USP8: variants seen among roughly 807,000 people sequenced by gnomAD.
USP8 encodes the protein ubiquitin carboxyl-terminal hydrolase 8.
In USP8, 27 loss-of-function variants were observed where a neutral mutation model predicts 130.0. The ratio of observed to expected loss-of-function variants is 0.21; its 90% CI spans 0.15 to 0.29. The LOEUF is 0.29. USP8 is among the 10% of genes least tolerant of loss of function. The probability of loss-of-function intolerance (pLI) is 1.00; values close to 1 mark genes in which losing one functional copy is unlikely to be tolerated. For missense variants in USP8, 1,029 were observed against 1,312.2 expected (o/e 0.78, Z 3.33); for synonymous variants, 392 against 444.1 (o/e 0.88, Z 1.48).
chr15:50,426,356 C>A (rs192400067), intron 1 of USP8, among the ~76,000 whole-genome samples: 2 of 152,208 alleles, frequency 1.3e-5, no homozygotes, highest in Non-Finnish European at 2.9e-5. Flanking sequence ...TTAAAAAATA[C>A]CTTGTTGTTG....
intron 3 of USP8, among the ~76,000 whole-genome samples, chr15:50,442,572 C>T (rs537853735): frequency 6.6e-6 from 1 of 150,476 alleles, no homozygotes; most frequent in African/African-American, 2.4e-5. Context: ...GGTGAAACCC[C>T]ATCTGTACTA....
chr15:50,485,486 T>G (rs1194732840), intron 12 of USP8, among the ~76,000 whole-genome samples: 2 of 147,344 alleles, frequency 1.4e-5, no homozygotes, highest in Non-Finnish European at 3.0e-5. Context: ...TTGTTTTTCC[T>G]TCAGAGCTTG....
At chr15:50,439,303 C>G in intron 2 of USP8, 126 bp downstream of exon 2, 1 of 598,600 alleles carries the variant, frequency 1.7e-6, no homozygotes, top group Non-Finnish European at 2.8e-6. Context: ...AAAGTAGGAC[C>G]TCCTTAGAGA....
At chr15:50,490,140 C>T (rs2141316739) in intron 13 of USP8, 123 bp from the exon 14 acceptor site, 3 of 1,128,804 alleles carry the variant, frequency 2.7e-6, no homozygotes, top group Non-Finnish European at 3.8e-6. Flanking sequence ...AGTTTATCGC[C>T]ATTTTATTCG....
At chr15:50,498,783 T>C in intron 19 of USP8, 55 bp downstream of exon 19, 2 of 1,562,498 alleles carry the variant, frequency 1.3e-6, no homozygotes, top group Non-Finnish European at 1.7e-6. Context: ...TTAAAAAAAG[T>C]TTTAAGTGGT....
chr15:50,445,545 CA>C (rs747368769), intron 3 of USP8, among the ~76,000 whole-genome samples: 26 of 10,004 alleles, frequency 2.6e-3, no homozygotes, highest in East Asian at 7.4e-3. Context: ...GAGTCTGTCT[CA>C]AAAAAAAAAA....
rs1175086477 is a variant in USP8, at chr15:50,424,463, G to A, written c.-117G>A. On this transcript the variant is annotated 5_prime_UTR_variant, in exon 1 of 20. Coordinates refer to ENST00000307179, the MANE Select transcript of USP8 (RefSeq NM_005154.5). ...CTAATTCTCCCTCGAGTTCTTGGGAGATGGGCATTTGGCGAGAAGGCTGGC... is the reference window on the plus strand; with the variant it reads ...CTAATTCTCCCTCGAGTTCTTGGGAAATGGGCATTTGGCGAGAAGGCTGGC... The A allele has an allele frequency of 1.5e-5, 6 of 398,626 alleles. No individual in the cohort carries two copies. Among genetic ancestry groups the A allele is most frequent in the Non-Finnish European group, 2.2e-5 (5 of 226,136 alleles). The allele number at this position is 398,626 out of a possible 1,614,324, so 24.7% of individuals were successfully genotyped here.
At chr15:50,462,983 C>G (rs988446804) in intron 6 of USP8, among the ~76,000 whole-genome samples, 2 of 152,078 alleles carry the variant, frequency 1.3e-5, no homozygotes, top group Non-Finnish European at 2.9e-5. Flanking sequence ...CGCAGTGGCT[C>G]ATTCCTGTAA....
chr15:50,463,738 C>G (rs2051091319), intron 6 of USP8, among the ~76,000 whole-genome samples: 1 of 152,144 alleles, frequency 6.6e-6, no homozygotes, highest in Non-Finnish European at 1.5e-5. Flanking sequence ...TTGTTAGCAG[C>G]TATAGGTCTT....
rs143811376 is a variant in USP8 at position 50,470,384 on chromosome 15, C to A, written c.687-1249C>A. 6.6e-5 allele frequency among the ~76,000 whole-genome samples: 10 copies of A among 152,160 alleles called. No homozygotes were observed. The East Asian group carries it at 1.9e-3, about 29-fold the overall frequency. On this transcript the variant is annotated intron_variant, in intron 7 of 19. Transcript: ENST00000307179. The stretch of plus-strand genomic sequence containing the variant: ...CCTCACAGAGAAGTTATTAGCAAAT[C>A]TTGAAGAAATAAGGGAAATGAGTGA...
chr15:50,477,365 A>G lies in USP8; in HGVS notation c.1084A>G (p.Ile362Val), dbSNP rs768800460. Reference sequence around the variant, plus strand: ...TGCATCTATAGAAGTAGATGAAAATATAGAATTGATAAGTGGTCAAAATGA... The same window carrying G: ...TGCATCTATAGAAGTAGATGAAAATGTAGAATTGATAAGTGGTCAAAATGA... The part of the protein sequence containing the change: ...PPASIEVDEN[I>V]ELISGQNERM... Residue 362 changes from isoleucine to valine, a missense_variant, in exon 10 of 20, where the codon ATA becomes GTA. Around this residue, in one of 4 missense-constraint regions of USP8, gnomAD observed 486 missense variants for 522.0 expected, o/e 0.93. Coordinates refer to ENST00000307179, the MANE Select transcript of USP8 (RefSeq NM_005154.5). 31 of 1,614,186 alleles carry G rather than the reference A, an allele frequency of 1.9e-5. No homozygotes were observed. In the South Asian group the frequency reaches 2.7e-4, roughly 14 times the overall value.
intron 17 of USP8, among the ~76,000 whole-genome samples, chr15:50,496,402 A>G (rs1217871690): frequency 6.6e-6 from 1 of 150,912 alleles, no homozygotes; most frequent in African/African-American, 2.4e-5. Context: ...AATGGCGTGA[A>G]CCCTGGAGGC....
chr15:50,428,696 C>G (rs544474698), intron 1 of USP8, among the ~76,000 whole-genome samples: 1 of 152,316 alleles, frequency 6.6e-6, no homozygotes, highest in East Asian at 1.9e-4. Context: ...GACAGCAAAA[C>G]TAGCACAAAT....
chr15:50,451,179 G>A (rs2050619160), intron 4 of USP8, among the ~76,000 whole-genome samples: 1 of 152,134 alleles, frequency 6.6e-6, no homozygotes, highest in East Asian at 1.9e-4. Flanking sequence ...AGGCCCAGGC[G>A]GGCGGATTAC....
At position 50,492,761 on chromosome 15, in the gene USP8, C is replaced by T. The variant is rs138490617; in HGVS notation, c.2295C>T (p.Leu765=). 1 of 1,610,918 alleles carries T rather than the reference C, an allele frequency of 6.2e-7. No homozygotes were observed. ...TTTCTGCTTCTCAGATTCGGAACCT[C>T]AATCCTGTTTTTGGAGGTTCTGGAC... ...SRLSASQIRN[L]NPVFGGSGPA... The change falls in exon 15 of 20, where the codon CTC becomes CTT. Residue 765 remains leucine, a synonymous_variant. Coordinates refer to ENST00000307179, the MANE Select transcript of USP8 (RefSeq NM_005154.5).
intron 5 of USP8, among the ~76,000 whole-genome samples, chr15:50,461,411 A>G (rs555644166): frequency 6.8e-6 from 1 of 146,478 alleles, no homozygotes; most frequent in South Asian, 2.2e-4. Context: ...TGCAGTGATC[A>G]TGCAACTGCA....
At chr15:50,479,687 AT>A (rs1178434817) in intron 10 of USP8, among the ~76,000 whole-genome samples, 2 of 151,500 alleles carry the variant, frequency 1.3e-5, no homozygotes, top group African/African-American at 4.8e-5. Context: ...AAGACAAAGG[AT>A]TTTTTTTAAG....
chr15:50,471,781 G>A lies in USP8; in HGVS notation c.835G>A (p.Asp279Asn). 6.2e-7 allele frequency: 1 copy of A among 1,613,752 alleles called. No homozygotes were observed. The highest frequency in any genetic ancestry group is 8.5e-7 in the Non-Finnish European group (1 of 1,179,912). Residue 279 changes from aspartate to asparagine, a missense_variant, in exon 8 of 20, where the codon GAT becomes AAT. By Grantham distance (23) the Asp-to-Asn change is conservative. Transcript: ENST00000307179. Reference sequence around the variant, plus strand: ...TGGAACAACTCTCCGGAGTCTGAAAGATGCACTTTTCAAGGTTTGCAAGTT... The same window carrying A: ...TGGAACAACTCTCCGGAGTCTGAAAAATGCACTTTTCAAGGTTTGCAAGTT... ...QIGTTLRSLK[D>N]ALFKWESKTV...
At position 50,499,280 on chromosome 15, in the gene USP8, C is replaced by CACTT. The variant is rs2052528726; in HGVS notation, c.*195_*198dup. On this transcript the variant is annotated 3_prime_UTR_variant, in exon 20 of 20. Transcript: ENST00000307179. ...ATTTAACAAGTATTGCAGTAATCAT[C>CACTT]ACTTACAGGTACCATTTATTTCAAA... 2.3e-6 allele frequency: 1 copy of CACTT among 433,182 alleles called. No individual in the cohort carries two copies. The highest frequency in any genetic ancestry group is 3.8e-6 in the Non-Finnish European group (1 of 259,864). The allele number at this position is 433,182 out of a possible 1,614,324, so 26.8% of individuals were successfully genotyped here.
Sources: gnomAD v4.1 joint callset for allele counts (sites outside exome capture counted in the v4.1 genomes callset) on GRCh38, gnomAD v4.1.1 for gene constraint, gnomAD v4.1.1 regional missense constraint, MANE v1.5 for transcripts, NCBI Gene and HGNC (gene_info 2026-07-23, HGNC 2026-07-21) for gene names.